CSMD1: variants seen among roughly 807,000 people sequenced by gnomAD.
CSMD1 encodes CUB and Sushi multiple domains 1.
In CSMD1, 213 loss-of-function variants were observed where a neutral mutation model predicts 417.5. The ratio of observed to expected loss-of-function variants is 0.51; its 90% CI spans 0.46 to 0.57. CSMD1 has a LOEUF of 0.57. Ranked by LOEUF, CSMD1 falls within the 20% of genes least tolerant of loss-of-function variation. The pLI, the probability that CSMD1 is intolerant of heterozygous loss-of-function variation, is 0.00. For synonymous variants in CSMD1, 2,862 were observed against 1,736.8 expected, an observed-to-expected ratio of 1.65 and a Z score of -16.11; for missense variants, 6,923 against 4,529.7, an observed-to-expected ratio of 1.53 and a Z score of -15.17.
chr8:3,526,454 T>C (rs750763495), intron 10 of CSMD1, among the ~76,000 whole-genome samples: 2 of 152,096 alleles, frequency 1.3e-5, no homozygotes, highest in Non-Finnish European at 2.9e-5. Context: ...AGCAGATATA[T>C]TACCAGAAGC....
chr8:4,460,057 G>C (rs1167041880), intron 2 of CSMD1, among the ~76,000 whole-genome samples: 1 of 152,066 alleles, frequency 6.6e-6, no homozygotes, highest in East Asian at 1.9e-4. Flanking sequence ...GCCAATAACA[G>C]AATATTGTTT....
chr8:4,884,252 CAT>C (rs1803585785), intron 1 of CSMD1, among the ~76,000 whole-genome samples: 1 of 151,692 alleles, frequency 6.6e-6, no homozygotes, highest in South Asian at 2.1e-4. Context: ...TTTATATATA[CAT>C]GTTATTTTTT....
chr8:3,565,361 G>C (rs571071110), intron 10 of CSMD1, among the ~76,000 whole-genome samples: 1 of 152,014 alleles, frequency 6.6e-6, no homozygotes, highest in South Asian at 2.1e-4. Flanking sequence ...TCTTTGCACG[G>C]GGAAAGGTCT....
intron 3 of CSMD1, among the ~76,000 whole-genome samples, chr8:4,063,078 C>G (rs965669151): frequency 6.6e-6 from 1 of 152,052 alleles, no homozygotes; most frequent in African/African-American, 2.4e-5. Context: ...AGAAGAAAAA[C>G]GTTCTAATGT....
At chr8:3,859,200 G>A (rs1023828636) in intron 5 of CSMD1, among the ~76,000 whole-genome samples, 1 of 152,196 alleles carries the variant, frequency 6.6e-6, no homozygotes, top group African/African-American at 2.4e-5. Context: ...GTGCGTAGCA[G>A]AGGAGTACGT....
intron 37 of CSMD1, among the ~76,000 whole-genome samples, chr8:3,178,626 G>A (rs982153113): frequency 6.6e-6 from 1 of 152,168 alleles, no homozygotes; most frequent in Non-Finnish European, 1.5e-5. Context: ...TGTTTCTTCA[G>A]TTGGAAGAAA....
intron 17 of CSMD1, among the ~76,000 whole-genome samples, chr8:3,395,990 T>G (rs1811668019): frequency 6.6e-6 from 1 of 152,218 alleles, no homozygotes; most frequent in African/African-American, 2.4e-5. Flanking sequence ...TGGATACGTA[T>G]TTTTGAGAGT....
At chr8:4,755,671 T>C (rs1811622778) in intron 1 of CSMD1, among the ~76,000 whole-genome samples, 1 of 152,194 alleles carries the variant, frequency 6.6e-6, no homozygotes, top group Non-Finnish European at 1.5e-5. Flanking sequence ...GCATTATTAG[T>C]TTTCAATAAT....
intron 2 of CSMD1, among the ~76,000 whole-genome samples, chr8:4,422,431 C>T (rs550878689): frequency 5.3e-5 from 8 of 152,106 alleles, no homozygotes; most frequent in Non-Finnish European, 8.8e-5. Flanking sequence ...TCAAATAATT[C>T]GGACTCTGAT....
chr8:3,969,867 T>G (rs186470371), intron 5 of CSMD1, among the ~76,000 whole-genome samples: 1 of 152,178 alleles, frequency 6.6e-6, no homozygotes, highest in Non-Finnish European at 1.5e-5. Context: ...TAGAAAGCTG[T>G]CAAATTAGAA....
intron 3 of CSMD1, among the ~76,000 whole-genome samples, chr8:4,168,476 G>T (rs1248983421): frequency 6.6e-6 from 1 of 151,826 alleles, no homozygotes; most frequent in African/African-American, 2.4e-5. Flanking sequence ...AAGGGATGTG[G>T]TAAAAGTAGA....
At chr8:4,854,848 C>T in intron 1 of CSMD1, among the ~76,000 whole-genome samples, 1 of 152,208 alleles carries the variant, frequency 6.6e-6, no homozygotes, top group East Asian at 1.9e-4. Context: ...GGGGCGCCCG[C>T]CATTGCCCAG....
chr8:4,436,289 T>G (rs1402465137), intron 2 of CSMD1, among the ~76,000 whole-genome samples: 1 of 152,152 alleles, frequency 6.6e-6, no homozygotes, highest in Non-Finnish European at 1.5e-5. Context: ...TATTGTGGTG[T>G]TTTTTTCATC....
At chr8:3,726,864 G>T (rs186193313) in intron 6 of CSMD1, among the ~76,000 whole-genome samples, 1 of 152,152 alleles carries the variant, frequency 6.6e-6, no homozygotes, top group African/African-American at 2.4e-5. Flanking sequence ...CCTGCCCAAA[G>T]ATAGATTTCC....
At chr8:4,827,775 G>A (rs1799922429) in intron 1 of CSMD1, among the ~76,000 whole-genome samples, 1 of 152,130 alleles carries the variant, frequency 6.6e-6, no homozygotes, top group Non-Finnish European at 1.5e-5. Context: ...ATTAAAGATT[G>A]AAATTCAGCT....
At chr8:4,133,634 G>C (rs933820291) in intron 3 of CSMD1, among the ~76,000 whole-genome samples, 3 of 152,118 alleles carry the variant, frequency 2.0e-5, no homozygotes, top group Non-Finnish European at 2.9e-5. Context: ...GCAATGCGAA[G>C]AGGAAAACTC....
At chr8:3,565,215 G>GAGAT (rs377144821) in intron 10 of CSMD1, among the ~76,000 whole-genome samples, 10 of 139,284 alleles carry the variant, frequency 7.2e-5, no homozygotes, top group South Asian at 4.8e-4. Context: ...GATAGATAGA[G>GAGAT]AGATAGACAG....
At chr8:4,963,810 T>G (rs1230921200) in intron 1 of CSMD1, among the ~76,000 whole-genome samples, 2 of 152,278 alleles carry the variant, frequency 1.3e-5, no homozygotes, top group East Asian at 3.9e-4. Flanking sequence ...ATAGAATTAT[T>G]GAAATTTTCA....
At chr8:4,152,451 G>A (rs1468135839) in intron 3 of CSMD1, among the ~76,000 whole-genome samples, 2 of 151,778 alleles carry the variant, frequency 1.3e-5, no homozygotes, top group African/African-American at 2.4e-5. Context: ...AAGGCAAGTG[G>A]CTTGCTTGAG....
Sources: gnomAD v4.1 joint callset for allele counts (sites outside exome capture counted in the v4.1 genomes callset) on GRCh38, gnomAD v4.1.1 for gene constraint, MANE v1.5 for transcripts, NCBI Gene and HGNC (gene_info 2026-07-23, HGNC 2026-07-21) for gene names.